Variants in TMEM26 observed in about 807,000 individuals in gnomAD.
The protein encoded by TMEM26 is transmembrane protein 26.
TMEM26 carries 38 observed loss-of-function variants against 28.8 expected under a neutral mutation model. The ratio of observed to expected loss-of-function variants is 1.32; its 90% CI spans 1.02 to 1.73. TMEM26 has a LOEUF of 1.73. Among genes scored for constraint, TMEM26 ranks in the 40% most tolerant of loss-of-function variants. TMEM26 has a pLI of 0.00. For synonymous variants in TMEM26, 227 were observed against 182.9 expected (o/e 1.24, Z -1.95); for missense variants, 518 against 447.1 (o/e 1.16, Z -1.43).
intron 1 of TMEM26, among the ~76,000 whole-genome samples, chr10:61,450,023 T>C (rs537771560): frequency 9.5e-4 from 145 of 152,286 alleles, no homozygotes; most frequent in Non-Finnish European, 1.9e-3. Context: ...TATGAATATT[T>C]CACAATTCTT....
At position 61,429,122 on chromosome 10, in the gene TMEM26, A is replaced by G. The variant is rs1472231201; in HGVS notation, c.409T>C (p.Ser137Pro). Residue 137 changes from serine (S) to proline (P), a missense_variant, in exon 4 of 6, where the codon TCT becomes CCT. Ser to Pro is a moderately conservative substitution (Grantham distance 74). Coordinates refer to ENST00000399298, the MANE Select transcript of TMEM26 (RefSeq NM_178505.8). ...GTCCAAACTTTCTCACATACTGTAG[A>G]TAAGTTATTCACAAAAACTTTGGCC... ...ETAKVFVNNL[S>P]TVCEKVWTLG... 4 of 1,612,882 alleles carry G rather than the reference A, an allele frequency of 2.5e-6. No individual in the cohort carries two copies. In the African/African-American group the frequency reaches 5.3e-5, roughly 22 times the overall value.
intron 1 of TMEM26, among the ~76,000 whole-genome samples, chr10:61,445,546 G>A (rs1421146338): frequency 6.6e-6 from 1 of 152,040 alleles, no homozygotes; most frequent in Non-Finnish European, 1.5e-5. Flanking sequence ...ATAGGTAATA[G>A]GTTTATATTC....
At chr10:61,444,207 T>C (rs1840140676) in intron 1 of TMEM26, among the ~76,000 whole-genome samples, 1 of 152,232 alleles carries the variant, frequency 6.6e-6, no homozygotes, top group South Asian at 2.1e-4. Flanking sequence ...TGTCATTTTA[T>C]ACTGTTCTCA....
intron 1 of TMEM26, among the ~76,000 whole-genome samples, chr10:61,447,683 C>T (rs1589046669): frequency 6.6e-6 from 1 of 152,192 alleles, no homozygotes; most frequent in Non-Finnish European, 1.5e-5. Context: ...CAGTATTAAT[C>T]GGTCATTTGA....
chr10:61,440,301 G>A (rs1443254650), intron 1 of TMEM26, among the ~76,000 whole-genome samples: 1 of 151,916 alleles, frequency 6.6e-6, no homozygotes, highest in East Asian at 1.9e-4. Flanking sequence ...TGAATCAAGG[G>A]CCCTTCTTGT....
At chr10:61,434,266 A>G (rs1274338925) in intron 2 of TMEM26, among the ~76,000 whole-genome samples, 1 of 152,166 alleles carries the variant, frequency 6.6e-6, no homozygotes, top group African/African-American at 2.4e-5. Flanking sequence ...CTAAAGGTTC[A>G]GTTTCTTTTG....
intron 4 of TMEM26, among the ~76,000 whole-genome samples, chr10:61,416,633 T>C (rs918835378): frequency 6.6e-6 from 1 of 152,036 alleles, no homozygotes; most frequent in Non-Finnish European, 1.5e-5. Flanking sequence ...GCCTGACATG[T>C]CTTTGCTTAT....
chr10:61,439,255 T>A (rs973986881), intron 1 of TMEM26, among the ~76,000 whole-genome samples: 1 of 152,198 alleles, frequency 6.6e-6, no homozygotes, highest in Non-Finnish European at 1.5e-5. Flanking sequence ...TTTATAGTTA[T>A]GTGTGTATAA....
chr10:61,419,561 G>A (rs577094023), intron 4 of TMEM26, among the ~76,000 whole-genome samples: 80 of 152,070 alleles, frequency 5.3e-4, no homozygotes, highest in African/African-American at 1.9e-3. Context: ...TCTACAATTG[G>A]ACTCTACATC....
Position 61,422,878 on chromosome 10 carries a change from A to G in TMEM26, c.605+6048T>C, listed in dbSNP as rs1339121347. On this transcript the variant is annotated intron_variant, in intron 4 of 5. Transcript: ENST00000399298. ...AACAGTAGAGAAAATCAATAAAACC[A>G]AAGGCTGGCTATGTCTAAATATCAA... is the stretch of plus-strand genomic sequence containing the variant. Among the ~76,000 whole-genome samples the G allele has an allele frequency of 2.6e-5, 4 of 152,166 alleles. No homozygotes were observed. The South Asian group carries it at 6.2e-4, about 24-fold the overall frequency.
chr10:61,433,637 T>A lies in TMEM26; in HGVS notation c.271-2305A>T, dbSNP rs76089984. Among the ~76,000 whole-genome samples, 971 of 152,254 alleles carry A rather than the reference T, an allele frequency of 6.4e-3. 9 individuals are homozygous for A. Among genetic ancestry groups the A allele is most frequent in the African/African-American group, 0.022 (914 of 41,570 alleles). On this transcript the variant is annotated intron_variant, in intron 2 of 5. Coordinates refer to ENST00000399298, the MANE Select transcript of TMEM26 (RefSeq NM_178505.8). ...TCAGGAATGAAGGTAAGAAATTAGT[T>A]ATCTAGGAGAAATGTCTCATGAAAT...
intron 4 of TMEM26, chr10:61,414,297 T>A (rs1166520059): frequency 6.5e-6 from 1 of 153,282 alleles, no homozygotes; most frequent in Non-Finnish European, 1.4e-5. Context: ...CAGGGTCACA[T>A]TTATTTTTAG....
chr10:61,431,644 G>T (rs1839925019), intron 2 of TMEM26, among the ~76,000 whole-genome samples: 1 of 151,834 alleles, frequency 6.6e-6, no homozygotes, highest in South Asian at 2.1e-4. Context: ...AACCCTGCAA[G>T]AATTTAAAAC....
At chr10:61,430,507 G>A (rs1375937139) in intron 3 of TMEM26, among the ~76,000 whole-genome samples, 1 of 147,196 alleles carries the variant, frequency 6.8e-6, no homozygotes, top group Non-Finnish European at 1.5e-5. Flanking sequence ...TGGGATGGAA[G>A]AAACAAAACT....
chr10:61,424,732 A>G (rs748098355), intron 4 of TMEM26, among the ~76,000 whole-genome samples: 1 of 152,178 alleles, frequency 6.6e-6, no homozygotes, highest in Non-Finnish European at 1.5e-5. Context: ...CAAATAAAAC[A>G]ATGGAACACA....
chr10:61,413,410 T>C (rs559232283), intron 5 of TMEM26, 49 bp downstream of exon 5: 13 of 1,596,346 alleles, frequency 8.1e-6, no homozygotes, highest in Non-Finnish European at 1.1e-5. Context: ...TAGTTAATAA[T>C]CAAGAGGTGT....
At chr10:61,410,783 G>A in intron 5 of TMEM26, 37 bp from the exon 6 acceptor site, 2 of 1,598,170 alleles carry the variant, frequency 1.3e-6, no homozygotes, top group Non-Finnish European at 1.7e-6. Context: ...TATCTCTCTT[G>A]GAAGTGTAGA....
chr10:61,443,180 C>T (rs190681531), intron 1 of TMEM26, among the ~76,000 whole-genome samples: 2 of 151,706 alleles, frequency 1.3e-5, no homozygotes, highest in Admixed American at 1.3e-4. Context: ...AGGCCCGGTG[C>T]AGTGTGTCAC....
At chr10:61,446,817 C>CAA (rs34030340) in intron 1 of TMEM26, among the ~76,000 whole-genome samples, 449 of 33,974 alleles carry the variant, frequency 0.013, 24 homozygotes, top group Non-Finnish European at 0.016. Context: ...GACTCCATCT[C>CAA]AAAAAAAAAA....
Sources: allele counts gnomAD v4.1 joint callset (sites outside exome capture counted in the v4.1 genomes callset), GRCh38; gene constraint gnomAD v4.1.1; transcripts MANE v1.5; gene names NCBI Gene and HGNC (gene_info 2026-07-23, HGNC 2026-07-21).